The following MLLT10 variants were observed in gnomAD, a reference collection of about 807,000 sequenced individuals.
The protein encoded by MLLT10 is protein AF-10.
A neutral mutation model predicts 129.1 loss-of-function variants in MLLT10; 30 were observed. That is an observed-to-expected ratio of 0.23 (90% CI 0.17 to 0.32). MLLT10 has a LOEUF of 0.32. Ranked by LOEUF, MLLT10 falls within the 10% of genes least tolerant of loss-of-function variation. The probability of loss-of-function intolerance (pLI) is 1.00; values close to 1 mark genes in which losing one functional copy is unlikely to be tolerated. For missense variants in MLLT10, 1,119 were observed against 1,268.3 expected (o/e 0.88, Z 1.79); for synonymous variants, 490 against 446.4 (o/e 1.10, Z -1.23).
chr10:21,734,974 CATACAT>C (rs910849153), intron 20 of MLLT10, among the ~76,000 whole-genome samples, 159 bp from the exon 21 acceptor site: 80 of 152,202 alleles, frequency 5.3e-4, no homozygotes, highest in African/African-American at 1.9e-3. Context: ...TGTATATAAA[CATACAT>C]ATATATAGAA....
At chr10:21,706,918 C>G (rs924468304) in intron 13 of MLLT10, among the ~76,000 whole-genome samples, 6 of 152,106 alleles carry the variant, frequency 3.9e-5, no homozygotes, top group Non-Finnish European at 8.8e-5. Context: ...TCGTCAGGCT[C>G]TCTTTCTTTG....
chr10:21,730,922 A>G lies in MLLT10; in HGVS notation c.2086A>G (p.Ile696Val). The G allele has an allele frequency of 6.2e-7, 1 of 1,614,184 alleles. No homozygotes were observed. The change falls in exon 17 of 23, where the codon ATT becomes GTT. Residue 696 changes from isoleucine (I) to valine (V), a missense_variant. Ile to Val is a conservative substitution (Grantham distance 29). Around this residue, in one of 5 missense-constraint regions of MLLT10, gnomAD observed 1,004 missense variants for 1,008.7 expected, o/e 1.00. Coordinates refer to ENST00000307729, the MANE Select transcript of MLLT10 (RefSeq NM_001195626.3). ...SPRSPVSSLQ[I>V]RYDQPGNSSL... ...CAGATCCCCTGTAAGCAGCTTACAG[A>G]TTCGCTATGATCAACCAGGCAACAG...
intron 8 of MLLT10, among the ~76,000 whole-genome samples, chr10:21,617,650 A>G (rs2045395146): frequency 6.6e-6 from 1 of 151,826 alleles, no homozygotes; most frequent in Non-Finnish European, 1.5e-5. Flanking sequence ...AATTTTTTCT[A>G]GTGGCTACAT....
chr10:21,670,922 C>A, intron 10 of MLLT10: 1 of 467,218 alleles, frequency 2.1e-6, no homozygotes. Flanking sequence ...ATTTGTGCTT[C>A]CAGAGTTGAA....
chr10:21,545,270 A>G (rs1282308771), intron 3 of MLLT10, among the ~76,000 whole-genome samples: 5 of 151,980 alleles, frequency 3.3e-5, no homozygotes, highest in African/African-American at 1.2e-4. Flanking sequence ...GAGAAGAGAA[A>G]TGTTCACATT....
intron 11 of MLLT10, among the ~76,000 whole-genome samples, chr10:21,679,433 T>C (rs1271070141): frequency 6.6e-6 from 1 of 152,244 alleles, no homozygotes; most frequent in Non-Finnish European, 1.5e-5. Flanking sequence ...AACATCTTTT[T>C]CTTCACTAAA....
chr10:21,733,167 G>A (rs564764595), intron 18 of MLLT10, 80 bp downstream of exon 18: 1 of 1,351,668 alleles, frequency 7.4e-7, no homozygotes, highest in Non-Finnish European at 1.0e-6. Flanking sequence ...GTAATAATTG[G>A]TCACCAGTTA....
At chr10:21,566,928 C>T (rs2039648609) in intron 3 of MLLT10, among the ~76,000 whole-genome samples, 1 of 152,092 alleles carries the variant, frequency 6.6e-6, no homozygotes, top group Admixed American at 6.6e-5. Context: ...ATTCTCCTGC[C>T]TCAGCCTCCC....
intron 8 of MLLT10, among the ~76,000 whole-genome samples, chr10:21,640,008 T>C (rs1386119326): frequency 1.3e-5 from 2 of 151,804 alleles, no homozygotes; most frequent in African/African-American, 2.4e-5. Context: ...CCTTTGTTAC[T>C]CTGCCGCTGT....
chr10:21,620,272 T>C (rs760694962), intron 8 of MLLT10, among the ~76,000 whole-genome samples: 14 of 152,168 alleles, frequency 9.2e-5, no homozygotes, highest in Non-Finnish European at 1.8e-4. Context: ...CTTGAAAATA[T>C]GCCTAGCATG....
At chr10:21,688,385 A>T in intron 13 of MLLT10, 1 of 909,618 alleles carries the variant, frequency 1.1e-6, no homozygotes. Context: ...ATCCACCCCC[A>T]CACTGCACCC....
intron 5 of MLLT10, among the ~76,000 whole-genome samples, chr10:21,602,044 C>T (rs2043586097): frequency 3.3e-5 from 5 of 152,114 alleles, no homozygotes; most frequent in Admixed American, 3.3e-4. Context: ...CTACAGGTTA[C>T]CCTACAGGTA....
chr10:21,578,952 C>T (rs1234098574), intron 3 of MLLT10, among the ~76,000 whole-genome samples: 1 of 152,130 alleles, frequency 6.6e-6, no homozygotes, highest in African/African-American at 2.4e-5. Context: ...CAGATATTTA[C>T]CATTTGTGGT....
chr10:21,733,567 A>G lies in MLLT10; in HGVS notation c.2471A>G (p.Asp824Gly), dbSNP rs2131579576. The stretch of plus-strand genomic sequence containing the variant: ...CATATAGGAAACAGCTTTTTACCTG[A>G]TAATTCTCTTCCTGTATTAAATCAG... The part of the protein sequence containing the change: ...SPHIGNSFLP[D>G]NSLPVLNQDL... Residue 824 changes from aspartate to glycine, a missense_variant, in exon 19 of 23, where the codon GAT (aspartate) becomes GGT (glycine). Asp to Gly is a moderately conservative substitution (Grantham distance 94). Coordinates refer to ENST00000307729, the MANE Select transcript of MLLT10 (RefSeq NM_001195626.3). The G allele has an allele frequency of 6.3e-7, 1 of 1,575,144 alleles. No individual in the cohort carries two copies. The highest frequency in any genetic ancestry group is 8.6e-7 in the Non-Finnish European group (1 of 1,164,660).
intron 8 of MLLT10, among the ~76,000 whole-genome samples, chr10:21,650,086 C>G (rs2131318412): frequency 6.6e-6 from 1 of 152,232 alleles, no homozygotes; most frequent in Middle Eastern, 3.4e-3. Context: ...AAAAATTAGC[C>G]TGTAGCCAGG....
chr10:21,546,575 GTTT>G (rs1341984814), intron 3 of MLLT10, among the ~76,000 whole-genome samples: 2 of 111,798 alleles, frequency 1.8e-5, no homozygotes, highest in Non-Finnish European at 3.8e-5. Context: ...TGGCTAATTT[GTTT>G]TTTTTTTTTT....
chr10:21,613,192 C>CAAAAAAAAA (rs993493277), intron 6 of MLLT10, among the ~76,000 whole-genome samples: 1 of 24,640 alleles, frequency 4.1e-5, no homozygotes, highest in African/African-American at 1.4e-4. Flanking sequence ...GACTCTGTCT[C>CAAAAAAAAA]AAAAAAAAAA....
intron 3 of MLLT10, among the ~76,000 whole-genome samples, chr10:21,562,795 C>T (rs2038993007): frequency 7.3e-6 from 1 of 137,640 alleles, no homozygotes; most frequent in African/African-American, 2.8e-5. Context: ...TCATTGCTGA[C>T]TTACATATAC....
rs1833851192 is a variant in MLLT10, at chr10:21,742,891, C to G, written c.*908C>G. 4.4e-6 allele frequency: 1 copy of G among 228,778 alleles called. No individual in the cohort carries two copies. The highest frequency in any genetic ancestry group is 2.2e-5 in the African/African-American group (1 of 45,138). 14.2% of individuals were successfully genotyped at this position (228,778 alleles called of 1,614,324 possible). ...GCCTTCCCATGCTTCCGCCTTTATT[C>G]AGAACTTTCTGTGCCACTGTAGATA... On this transcript the variant is annotated 3_prime_UTR_variant, in exon 23 of 23. Transcript: ENST00000307729.
Sources: gnomAD v4.1 joint callset for allele counts (sites outside exome capture counted in the v4.1 genomes callset) on GRCh38, gnomAD v4.1.1 for gene constraint, gnomAD v4.1.1 regional missense constraint, MANE v1.5 for transcripts, NCBI Gene and HGNC (gene_info 2026-07-23, HGNC 2026-07-21) for gene names.